SLC35F3: variants seen among roughly 807,000 people sequenced by gnomAD.
The protein encoded by SLC35F3 is putative thiamine transporter SLC35F3.
Under a neutral mutation model 49.9 loss-of-function variants are expected in SLC35F3, and 25 were observed. The ratio of observed to expected loss-of-function variants is 0.50; its 90% CI spans 0.37 to 0.70. The LOEUF (loss-of-function observed/expected upper bound fraction) is 0.70, where lower values mean the gene tolerates loss of function less well. Ranked by LOEUF, SLC35F3 falls within the 30% of genes least tolerant of loss-of-function variation. SLC35F3 has a pLI of 0.00. For synonymous variants in SLC35F3, 275 were observed against 265.4 expected, an observed-to-expected ratio of 1.04 and a Z score of -0.35; for missense variants, 525 against 639.8, an observed-to-expected ratio of 0.82 and a Z score of 1.94.
intron 2 of SLC35F3, among the ~76,000 whole-genome samples, chr1:234,182,396 G>A (rs1666572183): frequency 6.6e-6 from 1 of 152,174 alleles, no homozygotes; most frequent in Admixed American, 6.5e-5. Context: ...AAGGAGCCCT[G>A]TGTCTTTCAG....
intron 2 of SLC35F3, among the ~76,000 whole-genome samples, chr1:234,100,887 T>A (rs974950291): frequency 2.0e-5 from 3 of 152,202 alleles, no homozygotes; most frequent in African/African-American, 7.2e-5. Flanking sequence ...ACTTTGTGAT[T>A]CATGCCTCGA....
chr1:234,238,485 C>T (rs1667508604), intron 3 of SLC35F3, among the ~76,000 whole-genome samples: 1 of 152,196 alleles, frequency 6.6e-6, no homozygotes, highest in East Asian at 1.9e-4. Context: ...AACAGAACAT[C>T]GTCCACATGC....
intron 2 of SLC35F3, among the ~76,000 whole-genome samples, chr1:234,176,754 T>G (rs1031078856): frequency 6.6e-6 from 1 of 152,132 alleles, no homozygotes; most frequent in Admixed American, 6.5e-5. Context: ...AGACTGAACT[T>G]GAACATCTAC....
At chr1:234,030,346 A>G (rs1664043640) in intron 2 of SLC35F3, among the ~76,000 whole-genome samples, 1 of 152,170 alleles carries the variant, frequency 6.6e-6, no homozygotes, top group South Asian at 2.1e-4. Context: ...TGGCATCATT[A>G]GAGATCACCA....
intron 2 of SLC35F3, among the ~76,000 whole-genome samples, chr1:233,954,997 C>A (rs374334330): frequency 6.6e-6 from 1 of 152,234 alleles, no homozygotes; most frequent in East Asian, 1.9e-4. Flanking sequence ...GCACACACCA[C>A]CACGCCCGGC....
chr1:233,917,259 A>G (rs973363751), intron 2 of SLC35F3, among the ~76,000 whole-genome samples: 2 of 152,172 alleles, frequency 1.3e-5, no homozygotes, highest in Non-Finnish European at 2.9e-5. Context: ...GCCTTAAACT[A>G]AACTCTATAT....
At position 233,905,918 on chromosome 1, in the gene SLC35F3, G is replaced by T. The variant is rs576044288; in HGVS notation, c.283+160G>T. Among the ~76,000 whole-genome samples the T allele has an allele frequency of 2.9e-3, 444 of 152,362 alleles. 1 individual carries two copies. Among genetic ancestry groups the T allele is most frequent in the Non-Finnish European group, 4.9e-3 (335 of 68,030 alleles). On this transcript the variant is annotated intron_variant, in intron 2 of 7. Coordinates refer to ENST00000366618, the MANE Select transcript of SLC35F3 (RefSeq NM_173508.4). ...TGCAACTTCGAGGAAGAGGCCCGGA[G>T]ACGGAGTTCTCCTGGACCTCTGAGG...
chr1:233,989,533 G>T (rs1333847184), intron 2 of SLC35F3, among the ~76,000 whole-genome samples: 2 of 152,132 alleles, frequency 1.3e-5, no homozygotes, highest in East Asian at 1.9e-4. Flanking sequence ...TAAAGGGAAA[G>T]GTGATGTTTT....
chr1:234,182,948 G>C (rs1666585195), intron 2 of SLC35F3, among the ~76,000 whole-genome samples: 1 of 144,010 alleles, frequency 6.9e-6, no homozygotes, highest in Non-Finnish European at 1.5e-5. Context: ...CTATATTAGG[G>C]ATATTAATCC....
intron 3 of SLC35F3, among the ~76,000 whole-genome samples, chr1:234,300,265 A>G (rs886596926): frequency 6.6e-6 from 1 of 152,200 alleles, no homozygotes; most frequent in Non-Finnish European, 1.5e-5. Flanking sequence ...TGCTGTCAAG[A>G]ATGCATCCCA....
chr1:233,928,786 G>A (rs947529724), intron 2 of SLC35F3, among the ~76,000 whole-genome samples: 5 of 151,980 alleles, frequency 3.3e-5, no homozygotes, highest in African/African-American at 1.2e-4. Context: ...AATATAATTC[G>A]ACTTCCGAAA....
chr1:234,055,549 G>T (rs561885333), intron 2 of SLC35F3, among the ~76,000 whole-genome samples: 1 of 152,184 alleles, frequency 6.6e-6, no homozygotes, highest in East Asian at 1.9e-4. Flanking sequence ...TCCTGGTACC[G>T]TCTGTCACGG....
intron 2 of SLC35F3, among the ~76,000 whole-genome samples, chr1:233,994,476 A>G (rs1416197882): frequency 2.0e-5 from 3 of 152,162 alleles, no homozygotes; most frequent in Non-Finnish European, 2.9e-5. Context: ...GTATCAGCCA[A>G]TCCTCCTGTA....
At chr1:233,966,425 A>G (rs535879104) in intron 2 of SLC35F3, among the ~76,000 whole-genome samples, 6 of 152,074 alleles carry the variant, frequency 3.9e-5, no homozygotes, top group African/African-American at 1.2e-4. Context: ...GTACACCCCA[A>G]TCAGACCCAA....
At chr1:234,295,686 G>T (rs1241861797) in intron 3 of SLC35F3, among the ~76,000 whole-genome samples, 3 of 152,178 alleles carry the variant, frequency 2.0e-5, no homozygotes, top group Non-Finnish European at 4.4e-5. Context: ...ACAATTATTT[G>T]AAAATTCTTT....
intron 2 of SLC35F3, among the ~76,000 whole-genome samples, chr1:234,024,673 T>G (rs1358790649): frequency 6.6e-6 from 1 of 152,126 alleles, no homozygotes; most frequent in East Asian, 1.9e-4. Flanking sequence ...CCTGCTCCTG[T>G]GATAACCCAT....
chr1:233,921,363 T>TA (rs1366714851), intron 2 of SLC35F3, among the ~76,000 whole-genome samples: 1 of 152,148 alleles, frequency 6.6e-6, no homozygotes, highest in African/African-American at 2.4e-5. Flanking sequence ...GTCCATTTGT[T>TA]ACGACTGATG....
chr1:233,908,295 C>G (rs991600189), intron 2 of SLC35F3, among the ~76,000 whole-genome samples: 1 of 152,026 alleles, frequency 6.6e-6, no homozygotes, highest in Non-Finnish European at 1.5e-5. Context: ...TTATCTGTGT[C>G]CTAACTGAAG....
At chr1:234,158,693 T>C (rs1666185706) in intron 2 of SLC35F3, among the ~76,000 whole-genome samples, 1 of 152,224 alleles carries the variant, frequency 6.6e-6, no homozygotes, top group Admixed American at 6.5e-5. Context: ...TATCAACTCC[T>C]AGACATGGAA....
Sources: allele counts gnomAD v4.1 joint callset (sites outside exome capture counted in the v4.1 genomes callset), GRCh38; gene constraint gnomAD v4.1.1; transcripts MANE v1.5; gene names NCBI Gene and HGNC (gene_info 2026-07-23, HGNC 2026-07-21).